CAT: variants seen among roughly 807,000 people sequenced by gnomAD.
The protein encoded by CAT is epididymis secretory sperm binding protein.
Under a neutral mutation model 59.0 loss-of-function variants are expected in CAT, and 43 were observed. The ratio of observed to expected loss-of-function variants is 0.73; its 90% CI spans 0.57 to 0.94. The LOEUF (loss-of-function observed/expected upper bound fraction) is 0.94. Ranked by LOEUF, CAT falls within the 40% of genes least tolerant of loss-of-function variation. The pLI, the probability that CAT is intolerant of heterozygous loss-of-function variation, is 0.00. For missense variants in CAT, 664 were observed against 682.9 expected (o/e 0.97, Z 0.31); for synonymous variants, 218 against 230.9 (o/e 0.94, Z 0.51).
chr11:34,452,485 C>G (rs1318100384), intron 4 of CAT, among the ~76,000 whole-genome samples: 1 of 151,992 alleles, frequency 6.6e-6, no homozygotes, highest in Non-Finnish European at 1.5e-5. Flanking sequence ...AGGGACTTTA[C>G]TTTGGAAACA....
intron 11 of CAT, 171 bp downstream of exon 11, chr11:34,468,566 ATG>A: frequency 1.5e-6 from 1 of 649,304 alleles, no homozygotes; most frequent in Non-Finnish European, 2.7e-6. Context: ...TTTTCTTTCC[ATG>A]TTTTATCTGG....
chr11:34,452,436 T>G (rs1856535008), intron 4 of CAT, among the ~76,000 whole-genome samples: 1 of 152,058 alleles, frequency 6.6e-6, no homozygotes, highest in African/African-American at 2.4e-5. Context: ...GGGAAGTGAG[T>G]TTAGTTTTCC....
chr11:34,462,363 A>G (rs1029745606), intron 9 of CAT, among the ~76,000 whole-genome samples: 10 of 152,222 alleles, frequency 6.6e-5, no homozygotes, highest in Admixed American at 2.6e-4. Flanking sequence ...AAGAAAAAAG[A>G]AAAATTCCCA....
At chr11:34,444,082 G>A (rs1856422906) in intron 1 of CAT, among the ~76,000 whole-genome samples, 1 of 152,118 alleles carries the variant, frequency 6.6e-6, no homozygotes, top group South Asian at 2.1e-4. Flanking sequence ...AAAGAAAGAG[G>A]CTGACAAATC....
chr11:34,464,661 G>C (rs1856693067), intron 10 of CAT, among the ~76,000 whole-genome samples: 1 of 151,856 alleles, frequency 6.6e-6, no homozygotes, highest in Non-Finnish European at 1.5e-5. Context: ...TTCCACTGCA[G>C]GGCTCGTCCT....
At chr11:34,464,300 A>C (rs1856688364) in intron 10 of CAT, 65 bp downstream of exon 10, 2 of 1,480,800 alleles carry the variant, frequency 1.4e-6, no homozygotes, top group Admixed American at 3.3e-5. Flanking sequence ...TGCCTGCATA[A>C]TCCCCCTCCC....
intron 8 of CAT, among the ~76,000 whole-genome samples, chr11:34,459,155 A>G (rs1040175296): frequency 1.3e-5 from 2 of 152,146 alleles, no homozygotes; most frequent in Non-Finnish European, 2.9e-5. Flanking sequence ...GGAGCCATAC[A>G]GTTGGGGAAG....
intron 7 of CAT, among the ~76,000 whole-genome samples, 199 bp from the exon 8 acceptor site, chr11:34,456,466 T>G (rs914400328): frequency 6.6e-6 from 1 of 152,250 alleles, no homozygotes; most frequent in Non-Finnish European, 1.5e-5. Context: ...ATGTACTTTT[T>G]CCTGGGGAAA....
intron 2 of CAT, among the ~76,000 whole-genome samples, chr11:34,450,338 A>G (rs1388433790): frequency 1.3e-5 from 2 of 152,086 alleles, no homozygotes; most frequent in African/African-American, 4.8e-5. Flanking sequence ...TTTTCCAACA[A>G]TTTCTGTAAA....
rs532502806 is a variant in CAT, at chr11:34,440,759, C to T, written c.66+1680C>T. The stretch of plus-strand genomic sequence containing the variant: ...TGTATTTTTAGTAGAGATGGGGTTT[C>T]ACCATGTTGGCCAGGCTGGACTGGA... On this transcript the variant is annotated intron_variant, in intron 1 of 12. Transcript: ENST00000241052. Among the ~76,000 whole-genome samples, 3 of 152,164 alleles carry T rather than the reference C, an allele frequency of 2.0e-5. No individual in the cohort carries two copies. The South Asian group carries it at 6.2e-4, about 32-fold the overall frequency.
chr11:34,465,391 G>A (rs907779528), intron 10 of CAT, among the ~76,000 whole-genome samples: 2 of 152,110 alleles, frequency 1.3e-5, no homozygotes, highest in East Asian at 3.8e-4. Flanking sequence ...TTTTAGATGA[G>A]CTTAAAACAT....
intron 8 of CAT, among the ~76,000 whole-genome samples, chr11:34,459,033 A>C (rs1176372433): frequency 1.3e-5 from 2 of 152,070 alleles, no homozygotes; most frequent in Non-Finnish European, 2.9e-5. Context: ...TGAGTTTTAG[A>C]AACTGTTCGA....
intron 1 of CAT, among the ~76,000 whole-genome samples, chr11:34,443,415 T>C (rs1164845426): frequency 6.6e-6 from 1 of 152,130 alleles, no homozygotes; most frequent in African/African-American, 2.4e-5. Flanking sequence ...CTCGATCCAC[T>C]TAAAAATTCT....
At chr11:34,443,238 C>T (rs1188983713) in intron 1 of CAT, among the ~76,000 whole-genome samples, 1 of 152,198 alleles carries the variant, frequency 6.6e-6, no homozygotes, top group Non-Finnish European at 1.5e-5. Context: ...TCTGTTGCCT[C>T]CTCTCTCAAG....
At chr11:34,467,344 C>G (rs1856730452) in intron 10 of CAT, among the ~76,000 whole-genome samples, 1 of 152,130 alleles carries the variant, frequency 6.6e-6, no homozygotes, top group African/African-American at 2.4e-5. Context: ...CTGAGGAAAT[C>G]CCCAGGATAT....
chr11:34,462,408 A>G (rs2133857378), intron 9 of CAT, among the ~76,000 whole-genome samples: 2 of 152,206 alleles, frequency 1.3e-5, no homozygotes, highest in East Asian at 3.9e-4. Context: ...TAGCTATTAC[A>G]TTTTGCTATA....
intron 2 of CAT, among the ~76,000 whole-genome samples, chr11:34,450,360 C>T (rs927383972): frequency 3.9e-5 from 6 of 152,018 alleles, no homozygotes; most frequent in Non-Finnish European, 7.4e-5. Flanking sequence ...CTTTCTTTAT[C>T]GCTGTTATAT....
chr11:34,456,245 T>C (rs1016878068), intron 7 of CAT, 43 bp downstream of exon 7: 14 of 1,469,754 alleles, frequency 9.5e-6, no homozygotes, highest in Non-Finnish European at 1.1e-5. Flanking sequence ...TTTAAGTCTC[T>C]TCTTACCTAA....
At position 34,468,387 on chromosome 11, in the gene CAT, A is replaced by G; in HGVS notation, c.1426A>G (p.Lys476Glu). The change falls in exon 11 of 13, where the codon AAG becomes GAG. Residue 476 changes from lysine to glutamate, a missense_variant. Physicochemically the swap from Lys to Glu is moderately conservative, Grantham distance 56. Transcript: ENST00000241052. Reference protein sequence around the residue: ...HLKDAQIFIQKKAVKNFTEVH... With the variant: ...HLKDAQIFIQEKAVKNFTEVH... Reference sequence around the variant, plus strand: ...GAAGGATGCACAAATTTTCATCCAGAAGAAAGCGGTGAGTCTTTGTAAGCT... The same window carrying G: ...GAAGGATGCACAAATTTTCATCCAGGAGAAAGCGGTGAGTCTTTGTAAGCT... 6.2e-7 allele frequency: 1 copy of G among 1,612,880 alleles called. No homozygotes were observed. The highest frequency in any genetic ancestry group is 8.5e-7 in the Non-Finnish European group (1 of 1,178,822).
Sources: allele counts gnomAD v4.1 joint callset (sites outside exome capture counted in the v4.1 genomes callset), GRCh38; gene constraint gnomAD v4.1.1; transcripts MANE v1.5; gene names NCBI Gene and HGNC (gene_info 2026-07-23, HGNC 2026-07-21).